ESR1: variants seen among roughly 807,000 people sequenced by gnomAD.
ESR1 encodes estrogen receptor 1.
A neutral mutation model predicts 52.7 loss-of-function variants in ESR1; 12 were observed. The ratio of observed to expected loss-of-function variants is 0.23; its 90% CI spans 0.15 to 0.37. The LOEUF (loss-of-function observed/expected upper bound fraction) is 0.37. Ranked by LOEUF, ESR1 falls within the 10% of genes least tolerant of loss-of-function variation. The pLI is 1.00. For missense variants in ESR1, 584 were observed against 779.7 expected (o/e 0.75, Z 2.99); for synonymous variants, 305 against 316.8 (o/e 0.96, Z 0.39).
chr6:151,909,196 T>A (rs2128428868), intron 3 of ESR1, among the ~76,000 whole-genome samples: 1 of 152,300 alleles, frequency 6.6e-6, no homozygotes, highest in South Asian at 2.1e-4. Context: ...GTGGTTTCTA[T>A]CCCATTACAG....
At chr6:151,743,967 C>T (rs1458010051) in intron 2 of ESR1, among the ~76,000 whole-genome samples, 3 of 152,222 alleles carry the variant, frequency 2.0e-5, no homozygotes, top group South Asian at 4.1e-4. Flanking sequence ...CTGTGGAGTA[C>T]TATTCTGGAA....
intron 3 of ESR1, among the ~76,000 whole-genome samples, chr6:151,907,194 A>G (rs1797595619): frequency 6.6e-6 from 1 of 152,108 alleles, no homozygotes; most frequent in Non-Finnish European, 1.5e-5. Context: ...GTTCTTCTTC[A>G]AAATTGTTTT....
At chr6:151,869,773 G>A (rs1452701328) in intron 2 of ESR1, among the ~76,000 whole-genome samples, 1 of 151,808 alleles carries the variant, frequency 6.6e-6, no homozygotes, top group East Asian at 1.9e-4. Flanking sequence ...TTTTTTCTTT[G>A]AAAATTTACT....
chr6:151,659,471 C>T (rs555633013), intron 1 of ESR1, among the ~76,000 whole-genome samples: 1 of 152,332 alleles, frequency 6.6e-6, no homozygotes, highest in South Asian at 2.1e-4. Context: ...TCCAATGATG[C>T]AAATCTCCAG....
chr6:151,783,575 A>C (rs147322757), intron 2 of ESR1, among the ~76,000 whole-genome samples: 1 of 152,336 alleles, frequency 6.6e-6, no homozygotes, highest in East Asian at 1.9e-4. Flanking sequence ...ATGTGTATTA[A>C]ATACACCTTT....
At chr6:152,127,705 G>C in exon 7 of ESR1, 1 of 152,256 alleles carries the variant, frequency 6.6e-6, no homozygotes, top group Non-Finnish European at 1.5e-5. Context: ...TTAGAGGGGA[G>C]AGGCTCTGTG....
At chr6:151,804,140 A>G (rs1777543564), upstream of ESR1, among the ~76,000 whole-genome samples, 1 of 152,210 alleles carries the variant, frequency 6.6e-6, no homozygotes, top group Admixed American at 6.5e-5. Flanking sequence ...TCGGCGTAGC[A>G]CAGTATACTT....
At chr6:151,806,553 T>TATATATATATATATATAC (rs1777898610), upstream of ESR1, among the ~76,000 whole-genome samples, 1 of 143,930 alleles carries the variant, frequency 6.9e-6, no homozygotes, top group Non-Finnish European at 1.5e-5. Flanking sequence ...TATATATATA[T>TATATATATATATATATAC]ATATACACAT....
chr6:151,953,047 T>G (rs1434379468), intron 4 of ESR1, among the ~76,000 whole-genome samples: 1 of 152,214 alleles, frequency 6.6e-6, no homozygotes, highest in Admixed American at 6.5e-5. Flanking sequence ...TTCCTTAATG[T>G]GATGACCGCT....
intron 6 of ESR1, among the ~76,000 whole-genome samples, chr6:152,109,896 A>T (rs549407485): frequency 6.6e-6 from 1 of 152,328 alleles, no homozygotes; most frequent in African/African-American, 2.4e-5. Flanking sequence ...ATAACCATGA[A>T]GCTACAATGT....
At chr6:151,685,420 A>G (rs1024933449) in intron 1 of ESR1, among the ~76,000 whole-genome samples, 1 of 152,192 alleles carries the variant, frequency 6.6e-6, no homozygotes, top group Non-Finnish European at 1.5e-5. Flanking sequence ...GGCGTGAGCC[A>G]CCGCGCCCGG....
intron 6 of ESR1, among the ~76,000 whole-genome samples, chr6:152,086,533 GA>G (rs1283057508): frequency 1.3e-5 from 2 of 151,026 alleles, no homozygotes; most frequent in Non-Finnish European, 2.9e-5. Flanking sequence ...GCACATGTAA[GA>G]TTTTTTTCTC....
chr6:151,980,599 C>G (rs1042181919), intron 4 of ESR1, among the ~76,000 whole-genome samples: 3 of 152,096 alleles, frequency 2.0e-5, no homozygotes, highest in African/African-American at 7.2e-5. Flanking sequence ...TGGAGTAGCC[C>G]TTAAGGACCA....
intron 3 of ESR1, among the ~76,000 whole-genome samples, chr6:151,900,660 T>C (rs190319941): frequency 6.6e-6 from 1 of 152,222 alleles, no homozygotes; most frequent in Non-Finnish European, 1.5e-5. Flanking sequence ...CTCTCCCCCT[T>C]TTCTTAGAGA....
chr6:151,739,616 G>A (rs569642110), intron 2 of ESR1, among the ~76,000 whole-genome samples: 2 of 152,202 alleles, frequency 1.3e-5, no homozygotes, highest in Admixed American at 1.3e-4. Context: ...CTCCTTGACT[G>A]TCAAATGACA....
At chr6:151,934,732 T>C (rs2034141617) in intron 3 of ESR1, among the ~76,000 whole-genome samples, 1 of 152,140 alleles carries the variant, frequency 6.6e-6, no homozygotes, top group Non-Finnish European at 1.5e-5. Flanking sequence ...AAAGCATCAG[T>C]GGGAAAACAG....
chr6:151,813,142 A>G (rs1779076460), intron 1 of ESR1: 1 of 152,182 alleles, frequency 6.6e-6, no homozygotes, highest in South Asian at 2.1e-4. Context: ...GCCTTGGATA[A>G]TATCAGGAGG....
In ESR1 at chr6:151,664,932, G is replaced by A. The variant is rs537109700; in HGVS notation, n.73+8169G>A. ...TAATTTTATTATTATGACAAGTTGG[G>A]TTTATGAAGTATTTTTCCAATTACT... is the stretch of plus-strand genomic sequence containing the variant. On this transcript the variant is annotated intron_variant and non_coding_transcript_variant, in intron 1 of 2. Transcript: ENST00000473497. Among the ~76,000 whole-genome samples, 89 of 152,296 alleles carry A rather than the reference G, an allele frequency of 5.8e-4. 4 individuals are homozygous for A. The South Asian group carries it at 0.018, about 31-fold the overall frequency.
At chr6:152,118,641 A>T (rs559379100) in intron 6 of ESR1, among the ~76,000 whole-genome samples, 1 of 152,130 alleles carries the variant, frequency 6.6e-6, no homozygotes, top group East Asian at 1.9e-4. Flanking sequence ...GAGGGAGAGC[A>T]TTAGGGCAAA....
Sources: allele counts gnomAD v4.1 joint callset (sites outside exome capture counted in the v4.1 genomes callset), GRCh38; gene constraint gnomAD v4.1.1; transcripts MANE v1.5; gene names NCBI Gene and HGNC (gene_info 2026-07-23, HGNC 2026-07-21).